COL21A1: variants seen among roughly 807,000 people sequenced by gnomAD.
COL21A1 encodes collagen type XXI alpha 1 chain, also known as collagen alpha-1(XXI) chain.
A neutral mutation model predicts 137.9 loss-of-function variants in COL21A1; 149 were observed. The observed-to-expected ratio is 1.08, with a 90% CI of 0.95 to 1.24. The LOEUF (loss-of-function observed/expected upper bound fraction) is 1.24. COL21A1 is among the 50% of genes most tolerant of loss of function. The pLI is 0.00. For missense variants in COL21A1, 1,167 were observed against 1,158.4 expected (o/e 1.01, Z -0.11); for synonymous variants, 456 against 391.5 (o/e 1.16, Z -1.95).
chr6:56,159,983 A>G (rs776027613), intron 9 of COL21A1, among the ~76,000 whole-genome samples: 6 of 152,216 alleles, frequency 3.9e-5, no homozygotes, highest in Non-Finnish European at 7.3e-5. Context: ...ACTGGTCAAC[A>G]GTCTTTATGA....
At chr6:56,118,193 C>T (rs1198214008) in intron 16 of COL21A1, among the ~76,000 whole-genome samples, 1 of 147,654 alleles carries the variant, frequency 6.8e-6, no homozygotes, top group Non-Finnish European at 1.5e-5. Context: ...GCCAGTGTAA[C>T]CGAGAAAATA....
At chr6:56,108,485 G>T (rs1025628591) in intron 16 of COL21A1, among the ~76,000 whole-genome samples, 1 of 151,848 alleles carries the variant, frequency 6.6e-6, no homozygotes, top group Non-Finnish European at 1.5e-5. Flanking sequence ...TAAAATTCAA[G>T]TGAAAAATTA....
chr6:56,364,342 T>C (rs147995056), intron 1 of COL21A1, among the ~76,000 whole-genome samples: 1 of 152,342 alleles, frequency 6.6e-6, no homozygotes, highest in African/African-American at 2.4e-5. Flanking sequence ...ATGATTCCTC[T>C]ACCTCCATGG....
rs777045553 is a variant in COL21A1, at chr6:56,185,426, CTTTTTTT to C, written c.-38-2777_-38-2771del. Among the ~76,000 whole-genome samples the C allele has an allele frequency of 1.2e-3, 118 of 100,160 alleles. 3 individuals carry two copies. Among genetic ancestry groups the C allele is most frequent in the African/African-American group, 4.3e-3 (109 of 25,228 alleles). 65.7% of individuals were successfully genotyped at this position (100,160 alleles called of 152,430 possible). On this transcript the variant is annotated intron_variant, in intron 1 of 29. Coordinates refer to ENST00000244728, the MANE Select transcript of COL21A1 (RefSeq NM_030820.4). ...TAAGTGGACAGGCGAAATGAACAGT[CTTTTTTT>C]TTTTTTTTTTTTTGAGACGGAGTCT...
intron 1 of COL21A1, among the ~76,000 whole-genome samples, chr6:56,186,150 T>A (rs984204004): frequency 2.0e-5 from 3 of 152,200 alleles, no homozygotes; most frequent in African/African-American, 7.2e-5. Context: ...ATTTAAAATA[T>A]CATGACCATG....
chr6:56,217,656 T>G (rs1040712701), intron 1 of COL21A1, among the ~76,000 whole-genome samples: 6 of 152,046 alleles, frequency 3.9e-5, no homozygotes, highest in African/African-American at 1.4e-4. Context: ...CTCCCCAAAC[T>G]GTGTTCTCTC....
intron 1 of COL21A1, among the ~76,000 whole-genome samples, chr6:56,279,820 A>G (rs1427643182): frequency 2.0e-5 from 3 of 152,204 alleles, no homozygotes; most frequent in Non-Finnish European, 4.4e-5. Flanking sequence ...CATCTTGACT[A>G]TGTGATTCAG....
intron 1 of COL21A1, among the ~76,000 whole-genome samples, chr6:56,300,266 TG>T (rs1441967434): frequency 6.6e-6 from 1 of 152,004 alleles, no homozygotes; most frequent in Non-Finnish European, 1.5e-5. Context: ...AGGCTGGAAG[TG>T]GGGATAAGGA....
chr6:56,156,305 C>T (rs191284994), intron 10 of COL21A1, among the ~76,000 whole-genome samples: 78 of 152,232 alleles, frequency 5.1e-4, no homozygotes, highest in Non-Finnish European at 1.0e-3. Context: ...TTCTCTTCAA[C>T]TTGACTAAAC....
At chr6:56,301,901 C>G (rs1388536949) in intron 1 of COL21A1, among the ~76,000 whole-genome samples, 1 of 151,930 alleles carries the variant, frequency 6.6e-6, no homozygotes, top group African/African-American at 2.4e-5. Flanking sequence ...TGTTCCCCTT[C>G]CTGTGTCCCA....
intron 1 of COL21A1, among the ~76,000 whole-genome samples, chr6:56,364,558 A>G (rs979763197): frequency 6.6e-6 from 1 of 152,200 alleles, no homozygotes; most frequent in African/African-American, 2.4e-5. Context: ...TGGCACAGGC[A>G]GCTGGTGAAA....
intron 17 of COL21A1, among the ~76,000 whole-genome samples, chr6:56,079,524 C>T (rs906752092): frequency 4.6e-5 from 7 of 151,540 alleles, no homozygotes; most frequent in Non-Finnish European, 1.0e-4. Context: ...CGAACAGCAC[C>T]TTGGCTTCCA....
At position 56,141,803 on chromosome 6, in the gene COL21A1, T is replaced by G; in HGVS notation, c.1524A>C (p.Pro508=). ...ARGLPGYKGE[P]GRDGDKGDRG... ...TGTTTACCTTGTCACCATCTCGCCC[T>G]GGTTCTCCTTTGTAACCTGGTAGTC... Residue 508 remains proline (P), a synonymous_variant, in exon 12 of 30, where the codon CCA becomes CCC. Transcript: ENST00000244728. 1.2e-6 allele frequency: 2 copies of G among 1,613,738 alleles called. No homozygotes were observed. Among genetic ancestry groups the G allele is most frequent in the East Asian group, 2.2e-5 (1 of 44,862 alleles).
intron 1 of COL21A1, among the ~76,000 whole-genome samples, chr6:56,373,461 G>T (rs1266294852): frequency 2.0e-5 from 3 of 152,114 alleles, no homozygotes; most frequent in Non-Finnish European, 4.4e-5. Context: ...AATTAGCCGG[G>T]TGTGGTGGCA....
At chr6:56,099,027 T>C (rs62404898) in intron 17 of COL21A1, among the ~76,000 whole-genome samples, 22,955 of 150,412 alleles carry the variant, frequency 0.15, 1,785 homozygotes, top group Middle Eastern at 0.22. Flanking sequence ...TGTTTAATAT[T>C]TCTTTTATCT....
chr6:56,233,506 T>C (rs1020357645), intron 1 of COL21A1, among the ~76,000 whole-genome samples: 4 of 151,734 alleles, frequency 2.6e-5, no homozygotes, highest in Non-Finnish European at 5.9e-5. Flanking sequence ...ATAATGGATA[T>C]AGTTGAAGAT....
At chr6:56,176,939 A>AGGAGGAG (rs1777522514) in intron 3 of COL21A1, among the ~76,000 whole-genome samples, 1 of 142,626 alleles carries the variant, frequency 7.0e-6, no homozygotes, top group Non-Finnish European at 1.5e-5. Flanking sequence ...AGGAGGAAGG[A>AGGAGGAG]GGAGGAGGGA....
At chr6:56,254,783 T>G (rs1257327433) in intron 1 of COL21A1, among the ~76,000 whole-genome samples, 1 of 152,192 alleles carries the variant, frequency 6.6e-6, no homozygotes, top group Non-Finnish European at 1.5e-5. Context: ...TTTCTTCAAG[T>G]GCTGCAAAGG....
chr6:56,060,813 G>A lies in COL21A1; in HGVS notation c.2353-18C>T. ...TCTCTTCCCTGCATCAAAGTGTTAG[G>A]GGTTATAACATGCACATAAAGAACA... On this transcript the variant is annotated intron_variant, in intron 26 of 29. Coordinates refer to ENST00000244728, the MANE Select transcript of COL21A1 (RefSeq NM_030820.4). 6.3e-7 allele frequency: 1 copy of A among 1,598,248 alleles called. No individual in the cohort carries two copies. The highest frequency in any genetic ancestry group is 8.5e-7 in the Non-Finnish European group (1 of 1,175,630).
Sources: gnomAD v4.1 joint callset for allele counts (sites outside exome capture counted in the v4.1 genomes callset) on GRCh38, gnomAD v4.1.1 for gene constraint, MANE v1.5 for transcripts, NCBI Gene and HGNC (gene_info 2026-07-23, HGNC 2026-07-21) for gene names.